Variants in GLRX2 observed in about 807,000 individuals in gnomAD.
The protein encoded by GLRX2 is glutaredoxin 2.
Under a neutral mutation model 16.4 loss-of-function variants are expected in GLRX2, and 12 were observed. That is an observed-to-expected ratio of 0.73 (90% CI 0.47 to 1.19). The LOEUF is 1.19. GLRX2 is among the 50% of genes most tolerant of loss of function. The pLI, the probability that GLRX2 is intolerant of heterozygous loss-of-function variation, is 0.00. For missense variants in GLRX2, 201 were observed against 201.8 expected, an observed-to-expected ratio of 1.00 and a Z score of 0.02; for synonymous variants, 95 against 76.2, an observed-to-expected ratio of 1.25 and a Z score of -1.28.
upstream of GLRX2, chr1:193,105,574 G>T (rs966255415): frequency 2.2e-5 from 35 of 1,606,540 alleles, no homozygotes; most frequent in Non-Finnish European, 2.9e-5. Context: ...TCCAGCGAGT[G>T]CCACCCACGT....
In GLRX2 at chr1:193,097,694, T is replaced by C. The variant is rs911714486; in HGVS notation, c.250A>G (p.Lys84Glu). Reference sequence around the variant, plus strand: ...ACATTCATGTCATGGAAAAGCTTTTTTGCCATTGTACAGTAAGAACAGGAT... The same window carrying C: ...ACATTCATGTCATGGAAAAGCTTTTCTGCCATTGTACAGTAAGAACAGGAT... ...KTSCSYCTMA[K>E]KLFHDMNVNY... Residue 84 changes from lysine to glutamate, a missense_variant, in exon 3 of 4, where the codon AAA becomes GAA. By Grantham distance (56) the Lys-to-Glu change is moderately conservative. Coordinates refer to ENST00000367439, the MANE Select transcript of GLRX2 (RefSeq NM_197962.3). 1 of 1,612,096 alleles carries C rather than the reference T, an allele frequency of 6.2e-7. No individual in the cohort carries two copies. The highest frequency in any genetic ancestry group is 8.5e-7 in the Non-Finnish European group (1 of 1,178,402).
At chr1:193,105,987 C>CA, upstream of GLRX2, 1 of 902,704 alleles carries the variant, frequency 1.1e-6, no homozygotes, top group Non-Finnish European at 1.3e-6. Flanking sequence ...CCACCACCTG[C>CA]CAAAAAAAAA....
chr1:193,101,106 A>C (rs1195093486), intron 2 of GLRX2, 35 bp downstream of exon 2: 1 of 1,391,124 alleles, frequency 7.2e-7, no homozygotes, highest in Admixed American at 1.7e-5. Flanking sequence ...TTTTCTACAG[A>C]GGAAAGTTTT....
chr1:193,104,287 C>T (rs1675139178), intron 1 of GLRX2, among the ~76,000 whole-genome samples: 1 of 152,128 alleles, frequency 6.6e-6, no homozygotes, highest in Non-Finnish European at 1.5e-5. Flanking sequence ...AGTAAGTGCA[C>T]AATAAACATT....
chr1:193,099,231 A>G (rs2103098669), intron 2 of GLRX2, among the ~76,000 whole-genome samples: 1 of 152,296 alleles, frequency 6.6e-6, no homozygotes, highest in East Asian at 1.9e-4. Context: ...CACGCAGCCT[A>G]TGAAGTTTTT....
chr1:193,105,880 C>T, upstream of GLRX2: 1 of 1,173,426 alleles, frequency 8.5e-7, no homozygotes, highest in Non-Finnish European at 1.0e-6. Flanking sequence ...TTGGTCGAGA[C>T]CCAATGTAAA....
intron 2 of GLRX2, among the ~76,000 whole-genome samples, chr1:193,097,962 G>A (rs1475210783): frequency 6.6e-6 from 1 of 152,176 alleles, no homozygotes; most frequent in Non-Finnish European, 1.5e-5. Flanking sequence ...AACAAAAAGT[G>A]CCTGGCATAG....
Position 193,098,919 on chromosome 1 carries a change from A to G in GLRX2, c.184-1159T>C, listed in dbSNP as rs144129279. Among the ~76,000 whole-genome samples, 66 of 152,346 alleles carry G rather than the reference A, an allele frequency of 4.3e-4. No individual in the cohort carries two copies. The East Asian group carries it at 0.012, about 29-fold the overall frequency. ...GAGTTAACTCCTTACCTTCTATTCT[A>G]TAACTTTCAATGGTAAGGAATGGTA... On this transcript the variant is annotated intron_variant, in intron 2 of 3. Transcript: ENST00000367439.
At chr1:193,105,576 C>T (rs756927784), upstream of GLRX2, 7 of 1,607,480 alleles carry the variant, frequency 4.4e-6, no homozygotes, top group Admixed American at 3.4e-5. Flanking sequence ...CAGCGAGTGC[C>T]ACCCACGTGT....
intron 2 of GLRX2, among the ~76,000 whole-genome samples, chr1:193,098,847 AG>A (rs1675014490): frequency 6.6e-6 from 1 of 152,068 alleles, no homozygotes; most frequent in Non-Finnish European, 1.5e-5. Flanking sequence ...CACCGCGCCC[AG>A]CCCCAAAACA....
Position 193,105,320 on chromosome 1 carries a change from T to C in GLRX2, c.63A>G (p.Ala21=). The change falls in exon 1 of 4, where the codon GCA becomes GCG. Residue 21 remains alanine (A), a synonymous_variant. Transcript: ENST00000367439. ...TRLVWSRSGS[A]GWLDRAAGAA... ...CTCCCGCCGCCCTGTCAAGCCAGCC[T>C]GCCGAGCCGCTCCTGCTCCAAACCA... 1 of 1,535,264 alleles carries C rather than the reference T, an allele frequency of 6.5e-7. No individual in the cohort carries two copies. The highest frequency in any genetic ancestry group is 2.5e-5 in the East Asian group (1 of 39,774).
chr1:193,099,520 C>A (rs911481856), intron 2 of GLRX2, among the ~76,000 whole-genome samples: 4 of 151,976 alleles, frequency 2.6e-5, no homozygotes, highest in Admixed American at 2.6e-4. Context: ...TTTGTAGAGA[C>A]AGGGTTTCGC....
chr1:193,099,592 A>G (rs543214888), intron 2 of GLRX2, among the ~76,000 whole-genome samples: 1 of 152,252 alleles, frequency 6.6e-6, no homozygotes, highest in East Asian at 1.9e-4. Flanking sequence ...TCGGCCTTCC[A>G]AAGTGCTGGG....
chr1:193,105,849 T>A, upstream of GLRX2: 1 of 1,255,742 alleles, frequency 8.0e-7, no homozygotes, highest in Non-Finnish European at 1.0e-6. Context: ...AGCCTAAATA[T>A]ATCCTCTTAT....
chr1:193,103,942 A>G (rs1358365810), intron 1 of GLRX2, among the ~76,000 whole-genome samples: 1 of 152,234 alleles, frequency 6.6e-6, no homozygotes, highest in Non-Finnish European at 1.5e-5. Context: ...AGCCTAAACC[A>G]GAAAAGGTTA....
At chr1:193,105,140 C>T in intron 1 of GLRX2, 124 bp downstream of exon 1, 1 of 1,362,850 alleles carries the variant, frequency 7.3e-7, no homozygotes, top group Middle Eastern at 2.7e-4. Context: ...ACTCAGAGCC[C>T]ACGCGCTAGT....
chr1:193,097,518 C>G, intron 3 of GLRX2, 66 bp downstream of exon 3: 1 of 1,273,174 alleles, frequency 7.9e-7, no homozygotes, highest in Non-Finnish European at 1.1e-6. Context: ...ACACAAGGTT[C>G]TAGGCTCTGG....
At chr1:193,102,946 A>G (rs1427771950) in intron 1 of GLRX2, among the ~76,000 whole-genome samples, 1 of 152,130 alleles carries the variant, frequency 6.6e-6, no homozygotes, top group Non-Finnish European at 1.5e-5. Context: ...GCTTTAGTCA[A>G]CAGCTGTCTT....
chr1:193,098,798 G>A (rs926944917), intron 2 of GLRX2, among the ~76,000 whole-genome samples: 20 of 151,978 alleles, frequency 1.3e-4, no homozygotes, highest in Admixed American at 5.2e-4. Flanking sequence ...TGATCCACCC[G>A]CCTCAGCCTC....
Sources: allele counts gnomAD v4.1 joint callset (sites outside exome capture counted in the v4.1 genomes callset), GRCh38; gene constraint gnomAD v4.1.1; transcripts MANE v1.5; gene names NCBI Gene and HGNC (gene_info 2026-07-23, HGNC 2026-07-21).